The following ADAMTS10 variants were observed in gnomAD, a reference collection of about 807,000 sequenced individuals.
The protein encoded by ADAMTS10 is A disintegrin and metalloproteinase with thrombospondin motifs 10.
Under a neutral mutation model 135.9 loss-of-function variants are expected in ADAMTS10, and 48 were observed. The observed-to-expected ratio is 0.35, with a 90% CI of 0.28 to 0.45. The LOEUF (loss-of-function observed/expected upper bound fraction) is 0.45, where lower values mean the gene tolerates loss of function less well. Among genes scored for constraint, ADAMTS10 ranks in the 20% least tolerant of loss-of-function variants. The pLI is 1.00. For synonymous variants in ADAMTS10, 621 were observed against 647.5 expected, an observed-to-expected ratio of 0.96 and a Z score of 0.62; for missense variants, 1,131 against 1,565.2, an observed-to-expected ratio of 0.72 and a Z score of 4.68.
chr19:8,583,309 G>A (rs2042378375), intron 25 of ADAMTS10, among the ~76,000 whole-genome samples: 1 of 151,980 alleles, frequency 6.6e-6, no homozygotes, highest in Admixed American at 6.5e-5. Context: ...GGGAGGCCAA[G>A]GCGGGCAGAT....
intron 1 of ADAMTS10, 110 bp downstream of exon 1, chr19:8,610,534 G>C (rs2042769875): frequency 6.6e-6 from 1 of 152,068 alleles, no homozygotes; most frequent in Non-Finnish European, 1.5e-5. Context: ...CGCACAGCGG[G>C]ATGCCCTCCC....
In ADAMTS10 at chr19:8,601,959, T is replaced by C. The variant is rs1372453953; in HGVS notation, c.593-814A>G. ...ACTGTCCCATGATGACCAGCATGAT[T>C]GTACAATCCACTGACAATTCCACTG... is the stretch of plus-strand genomic sequence containing the variant. On this transcript the variant is annotated intron_variant, in intron 5 of 25. Transcript: ENST00000597188. The surrounding 1 kb of genome is among the most constrained non-coding windows in gnomAD (Gnocchi z 4.6). 2.6e-5 allele frequency among the ~76,000 whole-genome samples: 4 copies of C among 152,218 alleles called. No homozygotes were observed. The highest frequency in any genetic ancestry group is 9.6e-5 in the African/African-American group (4 of 41,468).
At chr19:8,608,849 C>A (rs2042749784) in intron 1 of ADAMTS10, among the ~76,000 whole-genome samples, 2 of 151,772 alleles carry the variant, frequency 1.3e-5, no homozygotes, top group South Asian at 4.2e-4. Context: ...GTGGAAGGAC[C>A]CAGCACAGGG....
intron 2 of ADAMTS10, among the ~76,000 whole-genome samples, chr19:8,606,813 C>T (rs975587984): frequency 5.9e-5 from 9 of 152,096 alleles, no homozygotes. Context: ...GGATAGCAAC[C>T]CCTACTTGCC....
At chr19:8,581,130 CTTT>C (rs369050914) in intron 25 of ADAMTS10, 128 bp from the exon 26 acceptor site, 3,440 of 145,838 alleles carry the variant, frequency 0.024, 15 homozygotes, top group East Asian at 0.11. Flanking sequence ...TTTAAATTTA[CTTT>C]TTTTTTTTTT....
At position 8,601,785 on chromosome 19, in the gene ADAMTS10, G is replaced by C. The variant is rs965667602; in HGVS notation, c.593-640C>G. On this transcript the variant is annotated intron_variant, in intron 5 of 25. Coordinates refer to ENST00000597188, the MANE Select transcript of ADAMTS10 (RefSeq NM_030957.4). The surrounding 1 kb of genome is among the most constrained non-coding windows in gnomAD (Gnocchi z 4.6). ...TGTCCCTCTGCCAAACTGTTGAGTT[G>C]AATAACAGCCTGACTTCTCCCACTG... Among the ~76,000 whole-genome samples, 3 of 152,114 alleles carry C rather than the reference G, an allele frequency of 2.0e-5. No homozygotes were observed. The highest frequency in any genetic ancestry group is 4.4e-5 in the Non-Finnish European group (3 of 68,024).
At chr19:8,593,254 G>A (rs2042565141) in intron 12 of ADAMTS10, 1 of 251,680 alleles carries the variant, frequency 4.0e-6, no homozygotes, top group African/African-American at 2.2e-5. Context: ...AGTTCCTGGT[G>A]CCTTCTGAGT....
chr19:8,604,310 G>A (rs1600119774), intron 4 of ADAMTS10, among the ~76,000 whole-genome samples: 1 of 151,260 alleles, frequency 6.6e-6, no homozygotes, highest in South Asian at 2.1e-4. Context: ...TGATCCTCCT[G>A]CCTCGGCCTC....
At position 8,605,141 on chromosome 19, in the gene ADAMTS10, G is replaced by A; in HGVS notation, c.306C>T (p.Val102=). The stretch of plus-strand genomic sequence containing the variant: ...CCTCCCGTGTCCAGTACTCCACGGA[G>A]ACGTGCCCTGCCAGTAGACGGGAGC... ...TRSSRLLAGH[V]SVEYWTREGL... The change falls in exon 4 of 26, where the codon GTC becomes GTT. Residue 102 remains valine, a synonymous_variant. Transcript: ENST00000597188. This position sits in a 1 kb window ranked among gnomAD's most constrained non-coding sequence, Gnocchi z 7.7. The A allele has an allele frequency of 6.2e-7, 1 of 1,613,880 alleles. No individual in the cohort carries two copies.
chr19:8,595,778 C>T lies in ADAMTS10; in HGVS notation c.1463G>A (p.Arg488His), dbSNP rs145864535. The T allele has an allele frequency of 1.6e-5, 25 of 1,600,064 alleles. No individual in the cohort carries two copies. The highest frequency in any genetic ancestry group is 3.4e-5 in the Admixed American group (2 of 59,494). The change falls in exon 12 of 26, where the codon CGT becomes CAT. Residue 488 changes from arginine to histidine, a missense_variant. Physicochemically the swap from Arg to His is conservative, Grantham distance 29 (BLOSUM62 0). Coordinates refer to ENST00000597188, the MANE Select transcript of ADAMTS10 (RefSeq NM_030957.4). ...QCRFQHGVKS[R>H]QCKYGEVCSE... ...TCTCTCTACCCCGTATTTACACTGA[C>T]GCGATTTGACTCCATGCTGAAAGCG...
chr19:8,595,674 C>A, intron 12 of ADAMTS10, 88 bp downstream of exon 12: 24 of 1,399,904 alleles, frequency 1.7e-5, no homozygotes, highest in Middle Eastern at 2.5e-4. Flanking sequence ...CCCCTCACTT[C>A]CCAGGTGGGT....
rs1555742910 is a variant in ADAMTS10, at chr19:8,608,174, G to A, written c.-140C>T. On this transcript the variant is annotated 5_prime_UTR_variant, in exon 2 of 26. Coordinates refer to ENST00000597188, the MANE Select transcript of ADAMTS10 (RefSeq NM_030957.4). ...GTTGGTGGAGTAGTGTTGGGCCCCT[G>A]TACGGATCCTTCCCTCGCCTGCTCC... The A allele has an allele frequency of 6.6e-6, 1 of 152,152 alleles. No individual in the cohort carries two copies. Among genetic ancestry groups the A allele is most frequent in the African/African-American group, 2.4e-5 (1 of 41,344 alleles). 9.4% of individuals were successfully genotyped at this position (152,152 alleles called of 1,614,324 possible).
chr19:8,595,702 T>TCCCCCCCCCCCCCCGGCCCCC, intron 12 of ADAMTS10, 60 bp downstream of exon 12: 1 of 894,228 alleles, frequency 1.1e-6, no homozygotes, highest in Non-Finnish European at 1.7e-6. Context: ...TGGAGTTCCC[T>TCCCCCCCCCCCCCCGGCCCCC]CCCCCAGCCC....
Position 8,605,303 on chromosome 19 carries a change from G to A in ADAMTS10, c.144C>T (p.Asp48=). 1 of 1,611,696 alleles carries A rather than the reference G, an allele frequency of 6.2e-7. No individual in the cohort carries two copies. Among genetic ancestry groups the A allele is most frequent in the South Asian group, 1.1e-5 (1 of 90,656 alleles). Residue 48 remains aspartate (D), a synonymous_variant, in exon 4 of 26, where the codon GAC becomes GAT. Coordinates refer to ENST00000597188, the MANE Select transcript of ADAMTS10 (RefSeq NM_030957.4). The surrounding 1 kb of genome is among the most constrained non-coding windows in gnomAD (Gnocchi z 7.7). The stretch of plus-strand genomic sequence containing the variant: ...AGAAGGCCAGCAGTGCCCCGTTGTG[G>A]TCCACGCGGGTGGGGAAGGCGATCT... ...SYEIAFPTRV[D]HNGALLAFSP... is the part of the protein sequence containing the mutation.
intron 12 of ADAMTS10, 60 bp downstream of exon 12, chr19:8,595,702 T>TACCCCCCCC: frequency 1.1e-6 from 1 of 894,228 alleles, no homozygotes; most frequent in Non-Finnish European, 1.7e-6. Flanking sequence ...TGGAGTTCCC[T>TACCCCCCCC]CCCCCAGCCC....
intron 25 of ADAMTS10, among the ~76,000 whole-genome samples, chr19:8,584,173 A>T (rs2146035847): frequency 1.3e-5 from 2 of 151,212 alleles, no homozygotes; most frequent in East Asian, 3.9e-4. Context: ...AAAAAAAAAA[A>T]AAAAGTAAAT....
At chr19:8,600,430 A>ACCTT (rs554320542) in intron 6 of ADAMTS10, among the ~76,000 whole-genome samples, 20 of 145,584 alleles carry the variant, frequency 1.4e-4, no homozygotes, top group African/African-American at 3.0e-4. Context: ...CTACCTACCT[A>ACCTT]CCTTCCTTCC....
At chr19:8,600,689 G>A (rs779740115) in intron 6 of ADAMTS10, among the ~76,000 whole-genome samples, 30 of 151,944 alleles carry the variant, frequency 2.0e-4, no homozygotes, top group East Asian at 7.7e-4. Context: ...TAGTAGAGAT[G>A]GGGTTTCACC....
rs147592386 is a variant in ADAMTS10, at chr19:8,600,733, T to C, written c.810+195A>G. On this transcript the variant is annotated intron_variant, in intron 6 of 25. Transcript: ENST00000597188. The stretch of plus-strand genomic sequence containing the variant: ...CAGGATGGTCTCCATCTCCTGACCT[T>C]GTGATCTGCCCGCCTTGGCCTCCCG... Among the ~76,000 whole-genome samples the C allele has an allele frequency of 2.8e-3, 421 of 151,990 alleles. 2 individuals are homozygous for C. Among genetic ancestry groups the C allele is most frequent in the African/African-American group, 7.1e-3 (294 of 41,492 alleles).
Sources: allele counts gnomAD v4.1 joint callset (sites outside exome capture counted in the v4.1 genomes callset), GRCh38; gene constraint gnomAD v4.1.1; non-coding constraint Gnocchi (gnomAD v3.1); transcripts MANE v1.5; gene names NCBI Gene and HGNC (gene_info 2026-07-23, HGNC 2026-07-21).